Variants in CREB3L1 observed in about 807,000 individuals in gnomAD.
CREB3L1 encodes cAMP responsive element binding protein 3 like 1, also known as cyclic AMP-responsive element-binding protein 3-like protein 1.
In CREB3L1, 33 loss-of-function variants were observed where a neutral mutation model predicts 54.5. That is an observed-to-expected ratio of 0.61 (90% CI 0.46 to 0.81). The LOEUF (loss-of-function observed/expected upper bound fraction) is 0.81, where lower values mean the gene tolerates loss of function less well. CREB3L1 is among the 30% of genes least tolerant of loss of function. The probability of loss-of-function intolerance (pLI) is 0.00; values close to 1 mark genes in which losing one functional copy is unlikely to be tolerated. For missense variants in CREB3L1, 656 were observed against 673.3 expected (o/e 0.97, Z 0.29); for synonymous variants, 284 against 286.4 (o/e 0.99, Z 0.08).
chr11:46,305,690 ATGTGTG>A (rs764468204), intron 2 of CREB3L1, among the ~76,000 whole-genome samples: 154 of 111,600 alleles, frequency 1.4e-3, no homozygotes, highest in African/African-American at 2.6e-3. Flanking sequence ...GTGTGTATAT[ATGTGTG>A]TGTGTGTGTG....
chr11:46,287,392 G>A (rs1000614097), intron 1 of CREB3L1, among the ~76,000 whole-genome samples: 5 of 151,842 alleles, frequency 3.3e-5, no homozygotes, highest in African/African-American at 9.7e-5. Context: ...TCAACCTCCC[G>A]GACTCAAGTG....
chr11:46,314,583 C>T (rs1197841808), intron 8 of CREB3L1, among the ~76,000 whole-genome samples: 2 of 152,066 alleles, frequency 1.3e-5, no homozygotes, highest in Non-Finnish European at 2.9e-5. Context: ...GCTGTGTTGC[C>T]CAGGCTGGTC....
At chr11:46,288,134 A>G (rs1220246759) in intron 1 of CREB3L1, among the ~76,000 whole-genome samples, 1 of 151,904 alleles carries the variant, frequency 6.6e-6, no homozygotes. Flanking sequence ...CCAGGCTGGA[A>G]TGCAATGGCG....
intron 1 of CREB3L1, among the ~76,000 whole-genome samples, chr11:46,287,650 T>A (rs1223251709): frequency 1.3e-5 from 2 of 152,068 alleles, no homozygotes; most frequent in Non-Finnish European, 2.9e-5. Context: ...ATGGGGCACA[T>A]GAGATATTTT....
At position 46,278,074 on chromosome 11, in the gene CREB3L1, G is replaced by C; in HGVS notation, c.-38G>C. On this transcript the variant is annotated 5_prime_UTR_variant, in exon 1 of 12. Transcript: ENST00000621158. The surrounding 1 kb of genome is among the most constrained non-coding windows in gnomAD (Gnocchi z 4.2). ...GGGCGCGCCGCCGCCCTGGAGTGAGGGAAGCCCAGTGGAAGGGGGTCCCGG... is the reference window on the plus strand; with the variant it reads ...GGGCGCGCCGCCGCCCTGGAGTGAGCGAAGCCCAGTGGAAGGGGGTCCCGG... 3.7e-6 allele frequency: 5 copies of C among 1,368,052 alleles called. No individual in the cohort carries two copies. Among genetic ancestry groups the C allele is most frequent in the Non-Finnish European group, 5.1e-6 (5 of 990,036 alleles). The allele number at this position is 1,368,052 out of a possible 1,614,324, so 84.7% of individuals were successfully genotyped here.
At chr11:46,299,718 TGGTAAC>T (rs1203802337) in intron 1 of CREB3L1, among the ~76,000 whole-genome samples, 1 of 152,052 alleles carries the variant, frequency 6.6e-6, no homozygotes, top group Non-Finnish European at 1.5e-5. Context: ...GGGATGACAG[TGGTAAC>T]GGTCATGATG....
At chr11:46,297,931 G>A (rs1451744931) in intron 1 of CREB3L1, among the ~76,000 whole-genome samples, 1 of 152,158 alleles carries the variant, frequency 6.6e-6, no homozygotes, top group Non-Finnish European at 1.5e-5. Context: ...TATATGTACA[G>A]TATTTACTCA....
At chr11:46,301,319 A>G (rs2136346534) in intron 2 of CREB3L1, among the ~76,000 whole-genome samples, 1 of 152,202 alleles carries the variant, frequency 6.6e-6, no homozygotes, top group African/African-American at 2.4e-5. Context: ...CAACCTGGGC[A>G]ACAGAGTGGG....
intron 1 of CREB3L1, among the ~76,000 whole-genome samples, chr11:46,285,442 T>A (rs1176741317): frequency 6.6e-6 from 1 of 151,878 alleles, no homozygotes; most frequent in African/African-American, 2.4e-5. Context: ...GGGGAATGTG[T>A]GGGGGTGGGA....
chr11:46,283,243 A>T (rs1939005795), intron 1 of CREB3L1, among the ~76,000 whole-genome samples: 1 of 152,168 alleles, frequency 6.6e-6, no homozygotes, highest in African/African-American at 2.4e-5. Context: ...AATTACATAA[A>T]ATGTGGAGTA....
intron 2 of CREB3L1, among the ~76,000 whole-genome samples, chr11:46,303,860 G>A (rs1413459620): frequency 6.6e-6 from 1 of 151,964 alleles, no homozygotes; most frequent in South Asian, 2.1e-4. Flanking sequence ...TAAAAAATTA[G>A]CCAGGCATGG....
intron 1 of CREB3L1, among the ~76,000 whole-genome samples, chr11:46,292,843 A>T (rs1237566629): frequency 6.6e-6 from 1 of 152,104 alleles, no homozygotes; most frequent in Non-Finnish European, 1.5e-5. Context: ...GCTGGTCTCA[A>T]ACTCTTGGCC....
chr11:46,292,610 T>C (rs1269614048), intron 1 of CREB3L1, among the ~76,000 whole-genome samples: 2 of 152,138 alleles, frequency 1.3e-5, no homozygotes, highest in Non-Finnish European at 2.9e-5. Flanking sequence ...AGAAATGACA[T>C]AGGACTTCTA....
chr11:46,301,557 G>A (rs541375093), intron 2 of CREB3L1, among the ~76,000 whole-genome samples: 1 of 152,116 alleles, frequency 6.6e-6, no homozygotes, highest in African/African-American at 2.4e-5. Context: ...CAGGTACTTG[G>A]AAGGCTGAGG....
chr11:46,304,701 G>A (rs928996117), intron 2 of CREB3L1, among the ~76,000 whole-genome samples: 6 of 148,656 alleles, frequency 4.0e-5, no homozygotes, highest in Middle Eastern at 3.4e-3. Flanking sequence ...TGGGGGGGGC[G>A]GGCAGGGTGA....
Position 46,311,088 on chromosome 11 carries a change from G to C in CREB3L1, c.652G>C (p.Gly218Arg), listed in dbSNP as rs376081099. Reference protein sequence around the residue: ...PPSSHGSDSDGSQSPRSLPPS... With the variant: ...PPSSHGSDSDRSQSPRSLPPS... ...CAGCAGCCATGGCAGTGACAGCGAC[G>C]GCTCCCAGAGTCCCCGCTCTCTGCC... The change falls in exon 5 of 12, where the codon GGC (glycine) becomes CGC (arginine). Residue 218 changes from glycine (G) to arginine (R), a missense_variant. This residue lies in a region of CREB3L1 where 339 missense variants were observed against 331.5 expected (regional missense o/e 1.02). Transcript: ENST00000621158. The C allele has an allele frequency of 3.7e-5, 59 of 1,609,402 alleles. 1 individual carries two copies. The highest frequency in any genetic ancestry group is 2.9e-4 in the East Asian group (13 of 44,602).
intron 2 of CREB3L1, among the ~76,000 whole-genome samples, chr11:46,302,866 A>G (rs1012150741): frequency 2.0e-5 from 3 of 152,186 alleles, no homozygotes; most frequent in African/African-American, 7.2e-5. Flanking sequence ...CTGTAATTCC[A>G]GTTACTCAGG....
intron 10 of CREB3L1, among the ~76,000 whole-genome samples, chr11:46,318,256 G>C (rs917210625): frequency 6.6e-6 from 1 of 151,998 alleles, no homozygotes; most frequent in African/African-American, 2.4e-5. Flanking sequence ...ATTCAGAATT[G>C]ACAGGAAGGA....
At chr11:46,310,211 C>T in intron 4 of CREB3L1, 144 bp downstream of exon 4, 1 of 640,014 alleles carries the variant, frequency 1.6e-6, no homozygotes, top group South Asian at 1.8e-5. Context: ...CCCACTGTCC[C>T]TCCATCCATG....
Sources: gnomAD v4.1 joint callset for allele counts (sites outside exome capture counted in the v4.1 genomes callset) on GRCh38, gnomAD v4.1.1 for gene constraint, gnomAD v4.1.1 regional missense constraint, Gnocchi (gnomAD v3.1) non-coding constraint, MANE v1.5 for transcripts, NCBI Gene and HGNC (gene_info 2026-07-23, HGNC 2026-07-21) for gene names.